Variants in RARB observed in about 807,000 individuals in gnomAD.
RARB encodes retinoic acid receptor beta, also known as HBV-activated protein.
RARB carries 17 observed loss-of-function variants against 51.9 expected under a neutral mutation model. That is an observed-to-expected ratio of 0.33 (90% CI 0.22 to 0.49). The LOEUF is 0.49. RARB is among the 20% of genes least tolerant of loss of function. The pLI, the probability that RARB is intolerant of heterozygous loss-of-function variation, is 0.99. For synonymous variants in RARB, 215 were observed against 195.4 expected (o/e 1.10, Z -0.84); for missense variants, 369 against 550.8 (o/e 0.67, Z 3.30).
intron 5 of RARB, among the ~76,000 whole-genome samples, chr3:25,194,633 G>T (rs1286656428): frequency 6.6e-6 from 1 of 151,016 alleles, no homozygotes; most frequent in Non-Finnish European, 1.5e-5. Flanking sequence ...AGAGTCCCTT[G>T]AGAACAAGGT....
intron 5 of RARB, among the ~76,000 whole-genome samples, chr3:25,298,445 T>C (rs1460423693): frequency 6.6e-6 from 1 of 152,114 alleles, no homozygotes; most frequent in Non-Finnish European, 1.5e-5. Flanking sequence ...CTCTAGTACA[T>C]GCTTAAAAAC....
chr3:25,089,639 A>G (rs768303746), intron 3 of RARB, among the ~76,000 whole-genome samples: 3 of 152,150 alleles, frequency 2.0e-5, no homozygotes, highest in African/African-American at 4.8e-5. Context: ...GCGCCTATTG[A>G]TAGAGACTTT....
chr3:25,211,437 C>G (rs542293615), intron 5 of RARB, among the ~76,000 whole-genome samples: 1 of 152,086 alleles, frequency 6.6e-6, no homozygotes, highest in Admixed American at 6.5e-5. Flanking sequence ...GAAATAGTTC[C>G]CAGAATATAG....
intron 5 of RARB, among the ~76,000 whole-genome samples, chr3:25,342,222 A>G (rs1483830): frequency 0.36 from 55,488 of 152,138 alleles, 10,886 homozygotes; most frequent in South Asian, 0.5. Flanking sequence ...AGTTCAAGAA[A>G]GTGATGAGTT....
At chr3:25,073,179 C>T (rs977047509) in intron 3 of RARB, among the ~76,000 whole-genome samples, 1 of 152,106 alleles carries the variant, frequency 6.6e-6, no homozygotes, top group Non-Finnish European at 1.5e-5. Flanking sequence ...GGGAGTAATA[C>T]AAAGGGAATA....
At chr3:25,393,712 G>C (rs1707037555) in intron 5 of RARB, among the ~76,000 whole-genome samples, 1 of 152,018 alleles carries the variant, frequency 6.6e-6, no homozygotes, top group African/African-American at 2.4e-5. Flanking sequence ...GGTGTTCATA[G>C]TAGCCTTGAA....
intron 3 of RARB, among the ~76,000 whole-genome samples, chr3:25,116,042 A>G (rs1699682207): frequency 6.6e-6 from 1 of 152,174 alleles, no homozygotes; most frequent in Non-Finnish European, 1.5e-5. Context: ...ACAGCATTCT[A>G]TATTTCAGAA....
chr3:25,170,649 CTT>C (rs1454444955), intron 4 of RARB, among the ~76,000 whole-genome samples: 1 of 152,066 alleles, frequency 6.6e-6, no homozygotes, highest in African/African-American at 2.4e-5. Flanking sequence ...TTGAGCTAAA[CTT>C]AATACAAAAA....
At chr3:25,151,323 C>T (rs1433644982) in intron 4 of RARB, among the ~76,000 whole-genome samples, 2 of 152,184 alleles carry the variant, frequency 1.3e-5, no homozygotes, top group Non-Finnish European at 2.9e-5. Flanking sequence ...ATGGCAAGAA[C>T]ACTTTTTTCA....
chr3:24,890,187 A>G (rs921071987), intron 2 of RARB, among the ~76,000 whole-genome samples: 1 of 152,186 alleles, frequency 6.6e-6, no homozygotes, highest in Admixed American at 6.5e-5. Context: ...ACGAGTCTTT[A>G]AAAGTTGCCT....
chr3:25,045,734 G>A (rs2125297186), intron 2 of RARB, among the ~76,000 whole-genome samples: 1 of 152,322 alleles, frequency 6.6e-6, no homozygotes, highest in Non-Finnish European at 1.5e-5. Flanking sequence ...CTGTTACTTA[G>A]GGAAATTACA....
chr3:24,946,793 G>A (rs1695785206), intron 2 of RARB, among the ~76,000 whole-genome samples: 1 of 152,096 alleles, frequency 6.6e-6, no homozygotes, highest in Non-Finnish European at 1.5e-5. Flanking sequence ...TGAACCGGGA[G>A]GGTCAAGGCT....
chr3:25,434,272 A>G (rs1404564236), intron 1 of RARB, among the ~76,000 whole-genome samples: 1 of 152,138 alleles, frequency 6.6e-6, no homozygotes. Context: ...CCAAAAGCAG[A>G]TTTCTTTGAA....
upstream of RARB, among the ~76,000 whole-genome samples, chr3:25,426,154 A>G (rs1161375947): frequency 6.6e-6 from 1 of 152,230 alleles, no homozygotes; most frequent in African/African-American, 2.4e-5. Flanking sequence ...TGCTTTGTGT[A>G]TCTTTACAAC....
chr3:24,875,658 G>C (rs771320755), intron 2 of RARB, among the ~76,000 whole-genome samples: 9 of 152,018 alleles, frequency 5.9e-5, no homozygotes, highest in Non-Finnish European at 1.2e-4. Context: ...ATTTCAGGGA[G>C]TTCCCATGTA....
At chr3:25,002,492 C>T (rs538032492) in intron 2 of RARB, among the ~76,000 whole-genome samples, 8 of 152,168 alleles carry the variant, frequency 5.3e-5, no homozygotes, top group African/African-American at 7.2e-5. Flanking sequence ...GAGTTTAGTT[C>T]GCTAGGTTTA....
chr3:25,067,735 C>T (rs1024443961), intron 3 of RARB, among the ~76,000 whole-genome samples: 1 of 152,164 alleles, frequency 6.6e-6, no homozygotes, highest in Non-Finnish European at 1.5e-5. Flanking sequence ...CTGGTCTTTC[C>T]TTCTTTTTGC....
At chr3:25,162,890 C>T (rs567574895) in intron 4 of RARB, among the ~76,000 whole-genome samples, 3 of 152,084 alleles carry the variant, frequency 2.0e-5, no homozygotes, top group Admixed American at 6.6e-5. Context: ...CATTTGTGTA[C>T]GAGGTTTTAT....
chr3:25,411,650 C>T (rs190004810), intron 5 of RARB, among the ~76,000 whole-genome samples: 2 of 152,136 alleles, frequency 1.3e-5, no homozygotes, highest in Admixed American at 6.5e-5. Flanking sequence ...TCAAATCGCC[C>T]GAGGAATATT....
Sources: allele counts gnomAD v4.1 joint callset (sites outside exome capture counted in the v4.1 genomes callset), GRCh38; gene constraint gnomAD v4.1.1; transcripts MANE v1.5; gene names NCBI Gene and HGNC (gene_info 2026-07-23, HGNC 2026-07-21).